The following OR5M1 variants were observed in gnomAD, a reference collection of about 807,000 sequenced individuals.
OR5M1 encodes the protein olfactory receptor 5M1.
For synonymous variants in OR5M1, 165 were observed against 144.2 expected, an observed-to-expected ratio of 1.14 and a Z score of -1.04; for missense variants, 367 against 379.5, an observed-to-expected ratio of 0.97 and a Z score of 0.27.
chr11:56,611,101 T>C lies in OR5M1; in HGVS notation c.*1454A>G, dbSNP rs574221978. 4.2e-4 allele frequency: 64 copies of C among 151,428 alleles called. No individual in the cohort carries two copies. The highest frequency in any genetic ancestry group is 1.4e-3 in the African/African-American group (59 of 41,494). The allele number at this position is 151,428 out of a possible 1,614,324, so 9.4% of individuals were successfully genotyped here. The stretch of plus-strand genomic sequence containing the variant: ...AAATACCCCACCGATGAAATGATGC[T>C]GGCCCTCAAAAAGGAAGTGAGGACT... On this transcript the variant is annotated 3_prime_UTR_variant, in exon 2 of 2. Coordinates refer to ENST00000641076, the MANE Select transcript of OR5M1 (RefSeq NM_001004740.2).
rs1412454665 is a variant in OR5M1, at chr11:56,611,662, C to T, written c.*893G>A. On this transcript the variant is annotated 3_prime_UTR_variant, in exon 2 of 2. Coordinates refer to ENST00000641076, the MANE Select transcript of OR5M1 (RefSeq NM_001004740.2). Reference sequence around the variant, plus strand: ...AGCAGCTTCAAGAACTACTAGAACACCCTTATTTTAAAAATAATGGGCCAC... The same window carrying T: ...AGCAGCTTCAAGAACTACTAGAACATCCTTATTTTAAAAATAATGGGCCAC... 2 of 152,034 alleles carry T rather than the reference C, an allele frequency of 1.3e-5. No homozygotes were observed. The highest frequency in any genetic ancestry group is 2.9e-5 in the Non-Finnish European group (2 of 68,008). 9.4% of individuals were successfully genotyped at this position (152,034 alleles called of 1,614,324 possible). A position where few individuals can be genotyped will look rare whatever the true frequency, so the allele number is the denominator to read the frequency against.
Position 56,613,391 on chromosome 11 carries a change from T to C in OR5M1, c.112A>G (p.Thr38Ala). Residue 38 changes from threonine (T) to alanine (A), a missense_variant, in exon 2 of 2, where the codon ACA becomes GCA. Transcript: ENST00000641076. ...FGVFLAIYLITLAGNLCMILL... is the reference protein window; with the variant it reads ...FGVFLAIYLIALAGNLCMILL... Reference sequence around the variant, plus strand: ...ATCATGCACAGGTTGCCTGCCAGTGTGATTAGGTAGATCGCAAGGAATACC... The same window carrying C: ...ATCATGCACAGGTTGCCTGCCAGTGCGATTAGGTAGATCGCAAGGAATACC... 6.2e-7 allele frequency: 1 copy of C among 1,613,662 alleles called. No individual in the cohort carries two copies. Among genetic ancestry groups the C allele is most frequent in the Non-Finnish European group, 8.5e-7 (1 of 1,179,648 alleles).
Position 56,613,137 on chromosome 11 carries a change from G to A in OR5M1, c.366C>T (p.Arg122=). Residue 122 remains arginine, a synonymous_variant, in exon 2 of 2, where the codon CGC becomes CGT. Coordinates refer to ENST00000641076, the MANE Select transcript of OR5M1 (RefSeq NM_001004740.2). ...GCAAAGGGCTGCAAATGGCTACATA[G>A]CGATCCAATGCCATTGAAGCAAGGA... The part of the protein sequence containing the change: ...FYILASMALD[R]YVAICSPLHY... 1 of 1,613,842 alleles carries A rather than the reference G, an allele frequency of 6.2e-7. No individual in the cohort carries two copies.
intron 1 of OR5M1, among the ~76,000 whole-genome samples, chr11:56,614,442 G>A (rs1286440346): frequency 6.6e-6 from 1 of 152,060 alleles, no homozygotes; most frequent in African/African-American, 2.4e-5. Context: ...TACTATTTGG[G>A]GAAAGTGTGG....
rs1853652089 is a variant in OR5M1, at chr11:56,609,699, A to G, written c.*2856T>C. 6.6e-6 allele frequency: 1 copy of G among 152,022 alleles called. No individual in the cohort carries two copies. The highest frequency in any genetic ancestry group is 2.4e-5 in the African/African-American group (1 of 41,462). The allele number at this position is 152,022 out of a possible 1,614,324, so 9.4% of individuals were successfully genotyped here. ...ATGCACAGATACATCAGTCATAAAA[A>G]CACTAAGATACATTGATATGATGGA... On this transcript the variant is annotated 3_prime_UTR_variant, in exon 2 of 2. Coordinates refer to ENST00000641076, the MANE Select transcript of OR5M1 (RefSeq NM_001004740.2).
rs1853652743 is a variant in OR5M1, at chr11:56,609,769, T to TTCA, written c.*2785_*2786insTGA. 1 of 152,004 alleles carries TTCA rather than the reference T, an allele frequency of 6.6e-6. No individual in the cohort carries two copies. The highest frequency in any genetic ancestry group is 1.9e-4 in the East Asian group (1 of 5,204). The allele number at this position is 152,004 out of a possible 1,614,324, so 9.4% of individuals were successfully genotyped here. On this transcript the variant is annotated 3_prime_UTR_variant, in exon 2 of 2. Transcript: ENST00000641076. ...TCAAATGGAATAAAACACAAGTGAA[T>TTCA]GCTGAGTTCAGCTCTCTTCAGGTAG...
In OR5M1 at chr11:56,609,849, C is replaced by A. The variant is rs923525546; in HGVS notation, c.*2706G>T. 1.2e-4 allele frequency: 18 copies of A among 151,910 alleles called. No homozygotes were observed. The highest frequency in any genetic ancestry group is 2.9e-4 in the African/African-American group (12 of 41,426). 9.4% of individuals were successfully genotyped at this position (151,910 alleles called of 1,614,324 possible). A position where few individuals can be genotyped will look rare whatever the true frequency, so the allele number is the denominator to read the frequency against. Reference sequence around the variant, plus strand: ...CTTATGTATGTCAATATGGTTCAGTCAGTTTTCTACAATTGATATGTATTA... The same window carrying A: ...CTTATGTATGTCAATATGGTTCAGTAAGTTTTCTACAATTGATATGTATTA... On this transcript the variant is annotated 3_prime_UTR_variant, in exon 2 of 2. Transcript: ENST00000641076.
intron 1 of OR5M1, 83 bp from the exon 2 acceptor site, chr11:56,613,602 C>A: frequency 9.3e-7 from 1 of 1,079,760 alleles, no homozygotes. Context: ...GCTCATTCAT[C>A]TATTTATCTA....
rs2134956296 is a variant in OR5M1, at chr11:56,610,033, T to G, written c.*2522A>C. ...TGATTTCACATTTGCTTGATGCATT[T>G]TAGTAACATGTACGCATATAAACTT... is the stretch of plus-strand genomic sequence containing the variant. On this transcript the variant is annotated 3_prime_UTR_variant, in exon 2 of 2. Coordinates refer to ENST00000641076, the MANE Select transcript of OR5M1 (RefSeq NM_001004740.2). 6.6e-6 allele frequency: 1 copy of G among 152,138 alleles called. No individual in the cohort carries two copies. The highest frequency in any genetic ancestry group is 2.1e-4 in the South Asian group (1 of 4,816). 9.4% of individuals were successfully genotyped at this position (152,138 alleles called of 1,614,324 possible). A position where few individuals can be genotyped will look rare whatever the true frequency, so the allele number is the denominator to read the frequency against.
Position 56,612,629 on chromosome 11 carries a change from G to A in OR5M1, c.874C>T (p.Leu292=). 6.2e-7 allele frequency: 1 copy of A among 1,613,304 alleles called. No homozygotes were observed. Among genetic ancestry groups the A allele is most frequent in the Non-Finnish European group, 8.5e-7 (1 of 1,179,632 alleles). The change falls in exon 2 of 2, where the codon CTA becomes TTA. Residue 292 remains leucine (L), a synonymous_variant. Coordinates refer to ENST00000641076, the MANE Select transcript of OR5M1 (RefSeq NM_001004740.2). ...SPMLNPLIYS[L]RNTDVILAMQ... ...GCAAGGATTACATCTGTGTTCCGTAGGCTATAGATCAATGGGTTCAGCATT... is the reference window on the plus strand; with the variant it reads ...GCAAGGATTACATCTGTGTTCCGTAAGCTATAGATCAATGGGTTCAGCATT...
chr11:56,613,027 T>G lies in OR5M1; in HGVS notation c.476A>C (p.Gln159Pro). ...YMYGFLSGFS[Q>P]SLLTFHLSFC... Reference sequence around the variant, plus strand: ...GGATAAGTGAAAGGTTAGCAGTGACTGAGAGAACCCACTAAGAAACCCATA... The same window carrying G: ...GGATAAGTGAAAGGTTAGCAGTGACGGAGAGAACCCACTAAGAAACCCATA... The change falls in exon 2 of 2, where the codon CAG becomes CCG. Residue 159 changes from glutamine (Q) to proline (P), a missense_variant. Transcript: ENST00000641076. 6.2e-7 allele frequency: 1 copy of G among 1,613,750 alleles called. No homozygotes were observed. The highest frequency in any genetic ancestry group is 8.5e-7 in the Non-Finnish European group (1 of 1,179,812).
rs376349598 is a variant in OR5M1 at position 56,612,999 on chromosome 11, G to A, written c.504C>T (p.Phe168=). 1,208 of 1,613,872 alleles carry A rather than the reference G, an allele frequency of 7.5e-4. 24 individuals are homozygous for A. In the South Asian group the frequency reaches 0.013, roughly 17 times the overall value. ...AATGATTGATTTCAAGGGAGCCACA[G>A]AAGGATAAGTGAAAGGTTAGCAGTG... The part of the protein sequence containing the change: ...SQSLLTFHLS[F]CGSLEINHFY... Residue 168 remains phenylalanine, a synonymous_variant, in exon 2 of 2, where the codon TTC becomes TTT. Transcript: ENST00000641076.
In OR5M1 at chr11:56,609,555, A is replaced by G. The variant is rs1853650732; in HGVS notation, c.*3000T>C. 6.6e-6 allele frequency: 1 copy of G among 152,010 alleles called. No individual in the cohort carries two copies. Among genetic ancestry groups the G allele is most frequent in the Admixed American group, 6.6e-5 (1 of 15,262 alleles). 9.4% of individuals were successfully genotyped at this position (152,010 alleles called of 1,614,324 possible). A position where few individuals can be genotyped will look rare whatever the true frequency, so the allele number is the denominator to read the frequency against. Reference sequence around the variant, plus strand: ...ATTACTAGTACAGGTTTAAGTTGCTAGAAGCTTTCTGGAGAAAAATTTACC... The same window carrying G: ...ATTACTAGTACAGGTTTAAGTTGCTGGAAGCTTTCTGGAGAAAAATTTACC... On this transcript the variant is annotated 3_prime_UTR_variant, in exon 2 of 2. Transcript: ENST00000641076.
rs751716957 is a variant in OR5M1, at chr11:56,612,944, G to A, written c.559C>T (p.Leu187=). The A allele has an allele frequency of 6.2e-7, 1 of 1,613,614 alleles. No homozygotes were observed. Among genetic ancestry groups the A allele is most frequent in the Admixed American group, 1.7e-5 (1 of 59,936 alleles). Residue 187 remains leucine (L), a synonymous_variant, in exon 2 of 2, where the codon CTG becomes TTG. Transcript: ENST00000641076. ...FYCADPPLIM[L]ACSDTRVKKM... ...TTGACACGGGTGTCAGAGCAGGCCA[G>A]CATGATAAGAGGAGGATCAGCGCAG...
rs1433340232 is a variant in OR5M1 at position 56,611,379 on chromosome 11, G to T, written c.*1176C>A. 1.3e-5 allele frequency: 2 copies of T among 152,068 alleles called. No homozygotes were observed. Among genetic ancestry groups the T allele is most frequent in the Non-Finnish European group, 2.9e-5 (2 of 68,018 alleles). 9.4% of individuals were successfully genotyped at this position (152,068 alleles called of 1,614,324 possible). A position where few individuals can be genotyped will look rare whatever the true frequency, so the allele number is the denominator to read the frequency against. ...TGCCCCCATTTTACAAAAACTGCAA[G>T]TCATCTGCTTAATATTCTGGAAAAC... On this transcript the variant is annotated 3_prime_UTR_variant, in exon 2 of 2. Transcript: ENST00000641076.
chr11:56,612,515 T>C lies in OR5M1; in HGVS notation c.*40A>G. On this transcript the variant is annotated 3_prime_UTR_variant, in exon 2 of 2. Transcript: ENST00000641076. ...TTTTTCCATTTCAAAAGCCAGTTTG[T>C]TACTCCACAAGCAATTCGTGACTGC... The C allele has an allele frequency of 1.4e-6, 2 of 1,478,148 alleles. No individual in the cohort carries two copies. The highest frequency in any genetic ancestry group is 1.8e-6 in the Non-Finnish European group (2 of 1,093,134). The allele number at this position is 1,478,148 out of a possible 1,614,324, so 91.6% of individuals were successfully genotyped here.
At position 56,612,719 on chromosome 11, in the gene OR5M1, G is replaced by T. The variant is rs971790080; in HGVS notation, c.784C>A (p.Pro262Thr). 1.2e-6 allele frequency: 2 copies of T among 1,613,796 alleles called. No individual in the cohort carries two copies. Among genetic ancestry groups the T allele is most frequent in the Non-Finnish European group, 8.5e-7 (1 of 1,179,770 alleles). ...TCCTCTACAGACTTCTCTGATGGAG[G>T]CCTTACGTACATGCAGAAGAGGGTT... ...YGTLFCMYVR[P>T]PSEKSVEESK... is the part of the protein sequence containing the mutation. Residue 262 changes from proline (P) to threonine (T), a missense_variant, in exon 2 of 2, where the codon CCT becomes ACT. By Grantham distance (38) the Pro-to-Thr change is conservative. Transcript: ENST00000641076.
At position 56,611,758 on chromosome 11, in the gene OR5M1, G is replaced by A. The variant is rs1321225326; in HGVS notation, c.*797C>T. 6.6e-6 allele frequency: 1 copy of A among 152,010 alleles called. No individual in the cohort carries two copies. The highest frequency in any genetic ancestry group is 1.5e-5 in the Non-Finnish European group (1 of 67,990). 9.4% of individuals were successfully genotyped at this position (152,010 alleles called of 1,614,324 possible). A position where few individuals can be genotyped will look rare whatever the true frequency, so the allele number is the denominator to read the frequency against. On this transcript the variant is annotated 3_prime_UTR_variant, in exon 2 of 2. Transcript: ENST00000641076. The stretch of plus-strand genomic sequence containing the variant: ...AACATATATACACCCCTATTTATTT[G>A]TATACTGTTTCAAGACATTTGTGGG...
chr11:56,613,230 G>T lies in OR5M1; in HGVS notation c.273C>A (p.Thr91=). The stretch of plus-strand genomic sequence containing the variant: ...GTGTGAAGCATCCAGCGTAGGAGAT[G>T]GTCTTCTGTTCTGAGAGGAAATTGT... ...MLHNFLSEQK[T]ISYAGCFTQC... is the part of the protein sequence containing the mutation. The change falls in exon 2 of 2, where the codon ACC becomes ACA. Residue 91 remains threonine (T), a synonymous_variant. Coordinates refer to ENST00000641076, the MANE Select transcript of OR5M1 (RefSeq NM_001004740.2). 5.0e-6 allele frequency: 8 copies of T among 1,613,708 alleles called. No individual in the cohort carries two copies. Among genetic ancestry groups the T allele is most frequent in the Non-Finnish European group, 6.8e-6 (8 of 1,179,692 alleles).
Sources: allele counts gnomAD v4.1 joint callset (sites outside exome capture counted in the v4.1 genomes callset), GRCh38; gene constraint gnomAD v4.1.1; transcripts MANE v1.5; gene names NCBI Gene and HGNC (gene_info 2026-07-23, HGNC 2026-07-21).